The following NAALADL2 variants were observed in gnomAD, a reference collection of about 807,000 sequenced individuals.
NAALADL2 encodes N-acetylated alpha-linked acidic dipeptidase like 2, also known as inactive N-acetylated-alpha-linked acidic dipeptidase-like protein 2.
In NAALADL2, 76 loss-of-function variants were observed where a neutral mutation model predicts 87.2. That is an observed-to-expected ratio of 0.87 (90% confidence interval 0.72 to 1.05). The LOEUF (loss-of-function observed/expected upper bound fraction) is 1.05. NAALADL2 is among the 50% of genes least tolerant of loss of function. The pLI is 0.00. For synonymous variants in NAALADL2, 354 were observed against 331.0 expected (o/e 1.07, Z -0.75); for missense variants, 1,089 against 945.8 (o/e 1.15, Z -1.99).
chr3:175,436,127 T>C (rs1718622621), intron 5 of NAALADL2, among the ~76,000 whole-genome samples: 1 of 146,402 alleles, frequency 6.8e-6, no homozygotes, highest in Non-Finnish European at 1.5e-5. Flanking sequence ...TGCGATAGTT[T>C]ACTGAGAATG....
chr3:174,564,823 T>C (rs1714047615), intron 2 of NAALADL2, among the ~76,000 whole-genome samples: 2 of 152,044 alleles, frequency 1.3e-5, no homozygotes, highest in Non-Finnish European at 2.9e-5. Flanking sequence ...CTTTGGTTTG[T>C]GTTTGCTTTA....
chr3:175,740,827 C>T (rs534240136), intron 12 of NAALADL2, among the ~76,000 whole-genome samples: 18 of 152,252 alleles, frequency 1.2e-4, no homozygotes, highest in African/African-American at 4.3e-4. Context: ...AATAAACTTG[C>T]TTTTGATTTG....
rs1174367441 is a variant in NAALADL2 at position 175,423,031 on chromosome 3, AT to A, written c.1091-24197del. Among the ~76,000 whole-genome samples the A allele has an allele frequency of 3.3e-3, 333 of 99,768 alleles. 2 individuals carry two copies. The highest frequency in any genetic ancestry group is 4.9e-3 in the Non-Finnish European group (256 of 52,162). The allele number at this position is 99,768 out of a possible 152,430, so 65.5% of individuals were successfully genotyped here. ...CCAGGTCCTTAAGAAAAAAAAAAAT[AT>A]ATATATATATATATATATATTTTTT... On this transcript the variant is annotated intron_variant, in intron 5 of 13. Coordinates refer to ENST00000454872, the MANE Select transcript of NAALADL2 (RefSeq NM_207015.3).
intron 2 of NAALADL2, among the ~76,000 whole-genome samples, chr3:174,579,389 A>G (rs376962602): frequency 6.6e-6 from 1 of 152,160 alleles, no homozygotes; most frequent in East Asian, 1.9e-4. Context: ...AAAAATAAAT[A>G]TACTAACACA....
intron 11 of NAALADL2, among the ~76,000 whole-genome samples, chr3:175,705,410 G>A (rs1183271420): frequency 6.6e-6 from 1 of 151,856 alleles, no homozygotes; most frequent in Non-Finnish European, 1.5e-5. Context: ...ATTTCAGTAT[G>A]GTATGTGCTA....
At chr3:175,114,412 A>G (rs1724748829) in intron 2 of NAALADL2, among the ~76,000 whole-genome samples, 1 of 151,712 alleles carries the variant, frequency 6.6e-6, no homozygotes, top group Non-Finnish European at 1.5e-5. Flanking sequence ...GATTTCTGCT[A>G]TAAGGTACCC....
intron 4 of NAALADL2, among the ~76,000 whole-genome samples, chr3:175,296,722 G>C (rs112021597): frequency 0.017 from 2,547 of 152,140 alleles, 68 homozygotes; most frequent in African/African-American, 0.057. Context: ...ATATGCTCAC[G>C]GTAAAATTGC....
At chr3:175,018,722 T>G (rs1368991177) in intron 1 of NAALADL2, among the ~76,000 whole-genome samples, 1 of 152,072 alleles carries the variant, frequency 6.6e-6, no homozygotes, top group African/African-American at 2.4e-5. Flanking sequence ...TTCTGTGGTC[T>G]TCCATGTAAA....
intron 1 of NAALADL2, among the ~76,000 whole-genome samples, chr3:175,056,119 T>A (rs1712107384): frequency 6.6e-6 from 1 of 152,090 alleles, no homozygotes; most frequent in Non-Finnish European, 1.5e-5. Flanking sequence ...TTTTGCCCAG[T>A]GTCCTCCGGA....
rs758553828 is a variant in NAALADL2, at chr3:175,234,099, A to G, written c.714A>G (p.Gln238=). 1.9e-6 allele frequency: 3 copies of G among 1,613,888 alleles called. No individual in the cohort carries two copies. Among genetic ancestry groups the G allele is most frequent in the East Asian group, 2.2e-5 (1 of 44,862 alleles). Residue 238 remains glutamine (Q), a synonymous_variant, in exon 3 of 14, where the codon CAA becomes CAG. Coordinates refer to ENST00000454872, the MANE Select transcript of NAALADL2 (RefSeq NM_207015.3). The part of the protein sequence containing the change: ...PSTVTLSSSG[Q]CFHPNGQPCS... Reference sequence around the variant, plus strand: ...CTGTGACTCTGAGCAGCAGTGGTCAATGCTTTCATCCTAATGGCCAGCCTT... The same window carrying G: ...CTGTGACTCTGAGCAGCAGTGGTCAGTGCTTTCATCCTAATGGCCAGCCTT...
At chr3:174,658,764 G>A (rs551864785) in intron 2 of NAALADL2, among the ~76,000 whole-genome samples, 1 of 152,150 alleles carries the variant, frequency 6.6e-6, no homozygotes, top group African/African-American at 2.4e-5. Context: ...TGATAAGAAA[G>A]CATTTTATAA....
At chr3:174,985,959 A>G (rs1031487453) in intron 1 of NAALADL2, among the ~76,000 whole-genome samples, 4 of 152,070 alleles carry the variant, frequency 2.6e-5, no homozygotes, top group African/African-American at 9.7e-5. Context: ...TCTCAAAAAA[A>G]ACAAAATAAA....
At chr3:174,671,565 A>G (rs1430639327) in intron 2 of NAALADL2, among the ~76,000 whole-genome samples, 2 of 152,100 alleles carry the variant, frequency 1.3e-5, no homozygotes, top group African/African-American at 4.8e-5. Flanking sequence ...ATTCTTTCAA[A>G]CATTAGGCAC....
At chr3:175,256,565 A>G in intron 4 of NAALADL2, 35 bp downstream of exon 4, 1 of 1,596,638 alleles carries the variant, frequency 6.3e-7, no homozygotes, top group Non-Finnish European at 8.5e-7. Context: ...TGGTTTGGTC[A>G]ATATTTTGCC....
At chr3:175,656,237 C>T (rs1369355893) in intron 11 of NAALADL2, among the ~76,000 whole-genome samples, 1 of 152,104 alleles carries the variant, frequency 6.6e-6, no homozygotes, top group Non-Finnish European at 1.5e-5. Context: ...TCCCACTATT[C>T]AAATACATAT....
intron 1 of NAALADL2, among the ~76,000 whole-genome samples, chr3:174,508,403 G>A (rs950637895): frequency 6.6e-6 from 1 of 152,056 alleles, no homozygotes; most frequent in Non-Finnish European, 1.5e-5. Flanking sequence ...GTGTGCCACC[G>A]CACCCGGTCC....
At chr3:174,447,403 C>A (rs2108265112) in intron 1 of NAALADL2, among the ~76,000 whole-genome samples, 1 of 152,266 alleles carries the variant, frequency 6.6e-6, no homozygotes, top group South Asian at 2.1e-4. Flanking sequence ...TGGCCATCTT[C>A]TTTTGTAAAA....
intron 13 of NAALADL2, among the ~76,000 whole-genome samples, chr3:175,785,146 G>C (rs1212014346): frequency 6.7e-6 from 1 of 150,308 alleles, no homozygotes. Context: ...TTTTGGAATA[G>C]GTGTGGTGTG....
At chr3:175,337,757 GA>G (rs1762141192) in intron 5 of NAALADL2, among the ~76,000 whole-genome samples, 1 of 152,106 alleles carries the variant, frequency 6.6e-6, no homozygotes, top group Non-Finnish European at 1.5e-5. Flanking sequence ...ATAAAGTACA[GA>G]AGAAAGATTT....
Sources: gnomAD v4.1 joint callset for allele counts (sites outside exome capture counted in the v4.1 genomes callset) on GRCh38, gnomAD v4.1.1 for gene constraint, MANE v1.5 for transcripts, NCBI Gene and HGNC (gene_info 2026-07-23, HGNC 2026-07-21) for gene names.